The following GFRA1 variants were observed in gnomAD, a reference collection of about 807,000 sequenced individuals.
GFRA1 encodes GDNF family receptor alpha 1.
In GFRA1, 16 loss-of-function variants were observed where a neutral mutation model predicts 51.6. The ratio of observed to expected loss-of-function variants is 0.31; its 90% CI spans 0.21 to 0.47. The LOEUF is 0.47. GFRA1 is among the 20% of genes least tolerant of loss of function. GFRA1 has a pLI of 1.00. For synonymous variants in GFRA1, 270 were observed against 241.3 expected, an observed-to-expected ratio of 1.12 and a Z score of -1.10; for missense variants, 530 against 594.3, an observed-to-expected ratio of 0.89 and a Z score of 1.13.
intron 5 of GFRA1, among the ~76,000 whole-genome samples, chr10:116,131,054 A>G (rs1468110677): frequency 6.6e-6 from 1 of 152,154 alleles, no homozygotes; most frequent in African/African-American, 2.4e-5. Context: ...AAATATATTA[A>G]AAATGCCCAA....
At chr10:116,154,835 G>C (rs977629500) in intron 5 of GFRA1, among the ~76,000 whole-genome samples, 3 of 152,122 alleles carry the variant, frequency 2.0e-5, no homozygotes, top group South Asian at 4.1e-4. Flanking sequence ...ACCAGGTCCC[G>C]GCCAGAGTGA....
chr10:116,099,922 T>C (rs1337364675), intron 6 of GFRA1, among the ~76,000 whole-genome samples: 1 of 152,224 alleles, frequency 6.6e-6, no homozygotes, highest in Non-Finnish European at 1.5e-5. Context: ...ATAATTGTTA[T>C]TGTTATTTTA....
intron 6 of GFRA1, among the ~76,000 whole-genome samples, chr10:116,105,101 T>A (rs529322362): frequency 6.6e-6 from 1 of 152,338 alleles, no homozygotes; most frequent in Non-Finnish European, 1.5e-5. Context: ...TGGTAGTACT[T>A]GTTTTTAAGG....
At chr10:116,068,554 G>A (rs1207554951) in intron 9 of GFRA1, among the ~76,000 whole-genome samples, 1 of 152,174 alleles carries the variant, frequency 6.6e-6, no homozygotes, top group African/African-American at 2.4e-5. Flanking sequence ...CAGAGCCTGG[G>A]ATGTAGACCT....
chr10:116,062,852 C>T lies in GFRA1; in HGVS notation c.*1546G>A, dbSNP rs1245742177. 5 of 152,312 alleles carry T rather than the reference C, an allele frequency of 3.3e-5. No individual in the cohort carries two copies. The South Asian group carries it at 8.3e-4, about 25-fold the overall frequency. 9.4% of individuals were successfully genotyped at this position (152,312 alleles called of 1,614,324 possible). On this transcript the variant is annotated 3_prime_UTR_variant, in exon 11 of 11. Coordinates refer to ENST00000355422, the MANE Select transcript of GFRA1 (RefSeq NM_005264.8). ...GAAGATGATAAGTGGTTAGCAAAGCCAGATGCCTTATCACCAGGGTCCTGT... is the reference window on the plus strand; with the variant it reads ...GAAGATGATAAGTGGTTAGCAAAGCTAGATGCCTTATCACCAGGGTCCTGT...
chr10:116,127,058 G>T (rs1432514221), intron 5 of GFRA1, among the ~76,000 whole-genome samples: 4 of 150,920 alleles, frequency 2.7e-5, no homozygotes, highest in African/African-American at 9.8e-5. Context: ...CTCAAAAGAA[G>T]CAGAGAGTGG....
chr10:116,067,286 A>T (rs1268756578), intron 9 of GFRA1, among the ~76,000 whole-genome samples: 1 of 152,244 alleles, frequency 6.6e-6, no homozygotes, highest in African/African-American at 2.4e-5. Flanking sequence ...AATTGTGCCC[A>T]GATACCAAAA....
Position 116,227,684 on chromosome 10 carries a change from G to A in GFRA1, c.419-16039C>T, listed in dbSNP as rs1373159903. Among the ~76,000 whole-genome samples, 5 of 152,148 alleles carry A rather than the reference G, an allele frequency of 3.3e-5. No individual in the cohort carries two copies. In the East Asian group the frequency reaches 9.6e-4, roughly 29 times the overall value. ...GGCTCATCTCTGTTCTGTGTATTAT[G>A]GAAACACAGACAAGATATCTAAGAG... On this transcript the variant is annotated intron_variant, in intron 4 of 10. Transcript: ENST00000355422.
At chr10:116,196,222 G>C (rs950414820) in intron 5 of GFRA1, among the ~76,000 whole-genome samples, 5 of 151,452 alleles carry the variant, frequency 3.3e-5, no homozygotes, top group Admixed American at 3.3e-4. Flanking sequence ...GGGCATGGTG[G>C]CTTACACCTG....
At chr10:116,115,171 C>A (rs1316160023) in intron 6 of GFRA1, among the ~76,000 whole-genome samples, 2 of 152,186 alleles carry the variant, frequency 1.3e-5, no homozygotes, top group African/African-American at 4.8e-5. Context: ...AGCAATTTCC[C>A]ATTCACTGAG....
In GFRA1 at chr10:116,064,299, T is replaced by A; in HGVS notation, c.*99A>T. 1 of 1,026,796 alleles carries A rather than the reference T, an allele frequency of 9.7e-7. No homozygotes were observed. Among genetic ancestry groups the A allele is most frequent in the South Asian group, 1.4e-5 (1 of 73,794 alleles). The allele number at this position is 1,026,796 out of a possible 1,614,324, so 63.6% of individuals were successfully genotyped here. ...CAGTTGAATGGAACTGTTTCTCAAC[T>A]GAGCTCCTAAACTGGAATTTCAGCT... On this transcript the variant is annotated 3_prime_UTR_variant, in exon 11 of 11. Transcript: ENST00000355422.
At chr10:116,069,994 GGCAGCCGTCAGCCA>G (rs1565552052) in intron 9 of GFRA1, among the ~76,000 whole-genome samples, 2 of 152,168 alleles carry the variant, frequency 1.3e-5, no homozygotes, top group Admixed American at 6.5e-5. Context: ...CCAGATTTTA[GGCAGCCGTCAGCCA>G]GCAGGGATGG....
chr10:116,244,155 G>A (rs902998350), intron 4 of GFRA1, among the ~76,000 whole-genome samples: 5 of 151,866 alleles, frequency 3.3e-5, no homozygotes, highest in Non-Finnish European at 5.9e-5. Context: ...AACAAGATAT[G>A]GGAGAATCTT....
At chr10:116,065,333 G>C (rs1272627137) in intron 10 of GFRA1, among the ~76,000 whole-genome samples, 1 of 152,178 alleles carries the variant, frequency 6.6e-6, no homozygotes, top group African/African-American at 2.4e-5. Flanking sequence ...TCAGGGCCCT[G>C]GAACACTTGT....
At chr10:116,127,805 G>C (rs553390540) in intron 5 of GFRA1, among the ~76,000 whole-genome samples, 20 of 152,274 alleles carry the variant, frequency 1.3e-4, no homozygotes, top group Middle Eastern at 6.8e-3. Flanking sequence ...TTATATTCTT[G>C]AAAGTCAACA....
intron 5 of GFRA1, among the ~76,000 whole-genome samples, chr10:116,187,411 T>C (rs990350807): frequency 6.6e-6 from 1 of 152,194 alleles, no homozygotes; most frequent in African/African-American, 2.4e-5. Context: ...AAGTGCTCAG[T>C]GACATCCCTT....
At chr10:116,073,151 C>A (rs1042529851) in intron 9 of GFRA1, among the ~76,000 whole-genome samples, 8 of 152,152 alleles carry the variant, frequency 5.3e-5, no homozygotes, top group Non-Finnish European at 8.8e-5. Context: ...GCTAAGCATT[C>A]CCTCGGGCTT....
At chr10:116,099,249 G>C (rs1036169471) in intron 6 of GFRA1, among the ~76,000 whole-genome samples, 6 of 152,234 alleles carry the variant, frequency 3.9e-5, no homozygotes, top group Admixed American at 2.0e-4. Context: ...TAGTTTGAAA[G>C]TGGCCATGGT....
At chr10:116,188,215 T>TG (rs760055056) in intron 5 of GFRA1, among the ~76,000 whole-genome samples, 43 of 152,180 alleles carry the variant, frequency 2.8e-4, no homozygotes, top group East Asian at 9.7e-4. Flanking sequence ...ACCTGTGGGA[T>TG]GGGGGGTCAA....
Sources: gnomAD v4.1 joint callset for allele counts (sites outside exome capture counted in the v4.1 genomes callset) on GRCh38, gnomAD v4.1.1 for gene constraint, MANE v1.5 for transcripts, NCBI Gene and HGNC (gene_info 2026-07-23, HGNC 2026-07-21) for gene names.